Variants in UGT1A7 observed in about 807,000 individuals in gnomAD.
UGT1A7 encodes the protein UDP-glucuronosyltransferase 1A7.
Under a neutral mutation model 45.6 loss-of-function variants are expected in UGT1A7, and 33 were observed. The observed-to-expected ratio is 0.72, with a 90% CI of 0.55 to 0.97. The LOEUF is 0.97. Among genes scored for constraint, UGT1A7 ranks in the 50% least tolerant of loss-of-function variants. The pLI is 0.00. For missense variants in UGT1A7, 684 were observed against 666.2 expected (o/e 1.03, Z -0.29); for synonymous variants, 274 against 250.6 (o/e 1.09, Z -0.88).
chr2:233,723,591 A>C (rs1372709718), intron 1 of UGT1A7, among the ~76,000 whole-genome samples: 1 of 104,916 alleles, frequency 9.5e-6, no homozygotes, highest in Non-Finnish European at 1.8e-5. Context: ...GGGATTTGGC[A>C]GGGTCATGGG....
At chr2:233,725,400 G>A (rs1284897270) in intron 1 of UGT1A7, among the ~76,000 whole-genome samples, 1 of 151,356 alleles carries the variant, frequency 6.6e-6, no homozygotes, top group Non-Finnish European at 1.5e-5. Flanking sequence ...TACCTTGATG[G>A]TCTAATACAG....
chr2:233,691,854 T>C (rs1363953364), intron 1 of UGT1A7: 1 of 158,488 alleles, frequency 6.3e-6, no homozygotes, highest in East Asian at 1.9e-4. Flanking sequence ...TATATTGTGA[T>C]GTATAATAAG....
At chr2:233,746,837 G>A (rs1378280242) in intron 1 of UGT1A7, among the ~76,000 whole-genome samples, 1 of 151,758 alleles carries the variant, frequency 6.6e-6, no homozygotes, top group African/African-American at 2.4e-5. Context: ...CACTGTTGGG[G>A]ACCTCTCAGA....
chr2:233,762,263 T>A (rs1459310284), intron 1 of UGT1A7, among the ~76,000 whole-genome samples: 1 of 152,194 alleles, frequency 6.6e-6, no homozygotes, highest in Non-Finnish European at 1.5e-5. Context: ...CGAATATGTG[T>A]TACATTAATG....
At chr2:233,734,786 A>T (rs2078566040) in intron 1 of UGT1A7, among the ~76,000 whole-genome samples, 1 of 152,216 alleles carries the variant, frequency 6.6e-6, no homozygotes, top group Non-Finnish European at 1.5e-5. Context: ...GTAGTCATTC[A>T]GGAGCAGGTT....
At chr2:233,717,788 T>G (rs2076606522) in intron 1 of UGT1A7, 1 of 456,178 alleles carries the variant, frequency 2.2e-6, no homozygotes, top group African/African-American at 2.0e-5. Flanking sequence ...TTTTGAAATT[T>G]GAAGTAGTGC....
chr2:233,717,430 C>T (rs528668664), intron 1 of UGT1A7, among the ~76,000 whole-genome samples: 2 of 152,364 alleles, frequency 1.3e-5, no homozygotes, highest in African/African-American at 4.8e-5. Flanking sequence ...GGGTGTCCCT[C>T]TGATGGACGC....
In UGT1A7 at chr2:233,760,364, ATGCTGGGAAGATAC is replaced by A. The variant is rs775463336; in HGVS notation, c.856-6667_856-6654del. 13 of 1,614,036 alleles carry A rather than the reference ATGCTGGGAAGATAC, an allele frequency of 8.1e-6. No homozygotes were observed. In the African/African-American group the frequency reaches 1.6e-4, roughly 20 times the overall value. On this transcript the variant is annotated intron_variant, in intron 1 of 4. Coordinates refer to ENST00000373426, the MANE Select transcript of UGT1A7 (RefSeq NM_019077.3). ...TGTGTGCTGGGCCCAGTGGTGTCCC[ATGCTGGGAAGATAC>A]TGTTGATCCCAGTGGATGGCAGCCA... is the stretch of plus-strand genomic sequence containing the variant.
intron 1 of UGT1A7, among the ~76,000 whole-genome samples, chr2:233,766,353 G>A (rs939799287): frequency 1.3e-5 from 2 of 152,092 alleles, no homozygotes; most frequent in Non-Finnish European, 2.9e-5. Context: ...GTGGCCTGCC[G>A]GTGCCTGTTG....
intron 1 of UGT1A7, among the ~76,000 whole-genome samples, chr2:233,748,465 C>G (rs987593580): frequency 6.6e-6 from 1 of 151,790 alleles, no homozygotes; most frequent in African/African-American, 2.4e-5. Context: ...AAAGATGATG[C>G]AACAGCAAAT....
At chr2:233,744,610 G>T (rs1221206555) in intron 1 of UGT1A7, among the ~76,000 whole-genome samples, 1 of 151,880 alleles carries the variant, frequency 6.6e-6, no homozygotes, top group Non-Finnish European at 1.5e-5. Flanking sequence ...TTAGTACTTG[G>T]CTCTATAGAG....
chr2:233,751,502 G>T (rs1015716404), intron 1 of UGT1A7, among the ~76,000 whole-genome samples: 2 of 152,208 alleles, frequency 1.3e-5, no homozygotes, highest in South Asian at 2.1e-4. Context: ...AGATTTGGGA[G>T]GGGCCAGAGG....
chr2:233,748,442 C>T (rs1311049302), intron 1 of UGT1A7, among the ~76,000 whole-genome samples: 3 of 151,720 alleles, frequency 2.0e-5, no homozygotes, highest in Non-Finnish European at 2.9e-5. Flanking sequence ...TTTGTTTGCA[C>T]AATTTTCAGG....
intron 1 of UGT1A7, among the ~76,000 whole-genome samples, chr2:233,694,053 G>C (rs1403841501): frequency 6.6e-6 from 1 of 152,180 alleles, no homozygotes; most frequent in Admixed American, 6.5e-5. Context: ...AGAGGCATTC[G>C]GATGAAGACA....
intron 1 of UGT1A7, chr2:233,729,462 A>G: frequency 2.5e-6 from 4 of 1,614,130 alleles, no homozygotes; most frequent in Non-Finnish European, 3.4e-6. Flanking sequence ...AATTTTTCAG[A>G]AGTATGGCAA....
chr2:233,710,601 T>C (rs2076138881), intron 1 of UGT1A7, among the ~76,000 whole-genome samples: 2 of 152,296 alleles, frequency 1.3e-5, no homozygotes, highest in Admixed American at 1.3e-4. Flanking sequence ...CCTTTATTGG[T>C]TTGTTTGTCT....
chr2:233,692,092 A>G (rs867976359), intron 1 of UGT1A7: 2 of 152,168 alleles, frequency 1.3e-5, no homozygotes, highest in East Asian at 1.9e-4. Context: ...GATTGATTTG[A>G]TCACCGATGG....
At chr2:233,772,131 C>T in intron 4 of UGT1A7, 131 bp from the exon 5 acceptor site, 2 of 1,543,198 alleles carry the variant, frequency 1.3e-6, no homozygotes, top group South Asian at 2.4e-5. Context: ...ACAACAACAA[C>T]AATAATAGAA....
At chr2:233,735,012 T>C (rs1234170278) in intron 1 of UGT1A7, among the ~76,000 whole-genome samples, 1 of 152,238 alleles carries the variant, frequency 6.6e-6, no homozygotes, top group Non-Finnish European at 1.5e-5. Flanking sequence ...TGGAGAGTTC[T>C]GTAGATGTCT....
Sources: gnomAD v4.1 joint callset for allele counts (sites outside exome capture counted in the v4.1 genomes callset) on GRCh38, gnomAD v4.1.1 for gene constraint, MANE v1.5 for transcripts, NCBI Gene and HGNC (gene_info 2026-07-23, HGNC 2026-07-21) for gene names.